FLYWCH2: variants seen among roughly 807,000 people sequenced by gnomAD.
FLYWCH2 encodes the protein FLYWCH family member 2.
FLYWCH2 carries 2 observed loss-of-function variants against 6.0 expected under a neutral mutation model. The ratio of observed to expected loss-of-function variants is 0.33; its 90% CI spans 0.14 to 1.04. The LOEUF (loss-of-function observed/expected upper bound fraction) is 1.04, where lower values mean the gene tolerates loss of function less well. Ranked by LOEUF, FLYWCH2 falls within the 50% of genes least tolerant of loss-of-function variation. FLYWCH2 has a pLI of 0.45. For missense variants in FLYWCH2, 192 were observed against 183.4 expected (o/e 1.05, Z -0.27); for synonymous variants, 87 against 79.3 (o/e 1.10, Z -0.52).
chr16:2,889,553 A>T (rs1321762203), intron 1 of FLYWCH2, among the ~76,000 whole-genome samples: 2 of 5,496 alleles, frequency 3.6e-4, no homozygotes, highest in Non-Finnish European at 1.8e-3. Context: ...GACTATATTA[A>T]AAAAAAAAAA....
intron 1 of FLYWCH2, among the ~76,000 whole-genome samples, chr16:2,890,216 T>G (rs938851174): frequency 9.8e-5 from 12 of 122,964 alleles, no homozygotes; most frequent in Admixed American, 1.6e-4. Flanking sequence ...GTGTGTGTGT[T>G]TTTTTGTTTT....
chr16:2,898,936 C>T (rs1277178169), intron 3 of FLYWCH2, 113 bp from the exon 4 acceptor site: 13 of 748,042 alleles, frequency 1.7e-5, no homozygotes, highest in Non-Finnish European at 2.8e-5. Context: ...AGGCTTCTGG[C>T]CCTGGAGCAT....
chr16:2,890,911 A>G (rs944815564), intron 1 of FLYWCH2, among the ~76,000 whole-genome samples: 29 of 152,220 alleles, frequency 1.9e-4, no homozygotes, highest in Non-Finnish European at 2.4e-4. Context: ...CCAACAATCA[A>G]GGGAGGGGAC....
At chr16:2,887,313 C>CTTTTTTTTTTTT (rs71158114) in intron 1 of FLYWCH2, among the ~76,000 whole-genome samples, 4 of 72,536 alleles carry the variant, frequency 5.5e-5, no homozygotes, top group Non-Finnish European at 9.0e-5. Context: ...GCCCGGCTTT[C>CTTTTTTTTTTTT]TTTTTTTTTT....
Position 2,899,121 on chromosome 16 carries a change from G to T in FLYWCH2, c.395G>T (p.Cys132Phe), listed in dbSNP as rs149108052. The T allele has an allele frequency of 2.1e-4, 343 of 1,613,526 alleles. 4 individuals carry two copies. In the African/African-American group the frequency reaches 3.9e-3, roughly 19 times the overall value. Residue 132 changes from cysteine to phenylalanine, a missense_variant, in exon 4 of 4, where the codon TGC becomes TTC. By Grantham distance (205) the Cys-to-Phe change is radical. Transcript: ENST00000396958. Reference sequence around the variant, plus strand: ...GCTGCTGGGGAGAACTTTGCCCCCTGCTCTGTGGCGCCCGGCAAGTCCCTG... The same window carrying T: ...GCTGCTGGGGAGAACTTTGCCCCCTTCTCTGTGGCGCCCGGCAAGTCCCTG... ...PEAAGENFAP[C>F]SVAPGKSL is the part of the protein sequence containing the mutation.
At chr16:2,887,985 C>G (rs998308805) in intron 1 of FLYWCH2, among the ~76,000 whole-genome samples, 2 of 142,688 alleles carry the variant, frequency 1.4e-5, no homozygotes, top group Admixed American at 1.5e-4. Context: ...TTCTGTTGAT[C>G]TCTGTGTCTG....
intron 1 of FLYWCH2, among the ~76,000 whole-genome samples, chr16:2,890,816 C>G (rs560344519): frequency 6.6e-6 from 1 of 152,134 alleles, no homozygotes; most frequent in Non-Finnish European, 1.5e-5. Flanking sequence ...ATCCACCCAC[C>G]TCAACCCCCC....
At chr16:2,888,481 C>T (rs1596336001) in intron 1 of FLYWCH2, among the ~76,000 whole-genome samples, 1 of 87,992 alleles carries the variant, frequency 1.1e-5, no homozygotes, top group African/African-American at 4.6e-5. Context: ...TTGTCAGTTT[C>T]TCCAAAAAAA....
chr16:2,886,894 C>G (rs1031514738), intron 1 of FLYWCH2, among the ~76,000 whole-genome samples: 2 of 152,038 alleles, frequency 1.3e-5, no homozygotes, highest in Non-Finnish European at 2.9e-5. Context: ...ATTCCAGATA[C>G]AAGTCCCTTA....
intron 1 of FLYWCH2, among the ~76,000 whole-genome samples, chr16:2,893,654 TTGA>T (rs2069784655): frequency 7.1e-6 from 1 of 140,942 alleles, no homozygotes; most frequent in Non-Finnish European, 1.6e-5. Flanking sequence ...TTTTTTTTTT[TTGA>T]AACGGATTCT....
chr16:2,889,128 T>G (rs1020775667), intron 1 of FLYWCH2, among the ~76,000 whole-genome samples: 69 of 102,922 alleles, frequency 6.7e-4, no homozygotes, highest in Middle Eastern at 4.6e-3. Flanking sequence ...AATTTGGTGT[T>G]TTTTTGTTGT....
At chr16:2,891,279 CT>C (rs918222015) in intron 1 of FLYWCH2, among the ~76,000 whole-genome samples, 1 of 152,210 alleles carries the variant, frequency 6.6e-6, no homozygotes, top group African/African-American at 2.4e-5. Flanking sequence ...CATAATAGGA[CT>C]TTTTTTCCTG....
At chr16:2,887,355 C>A (rs2069710767) in intron 1 of FLYWCH2, among the ~76,000 whole-genome samples, 1 of 138,192 alleles carries the variant, frequency 7.2e-6, no homozygotes, top group Admixed American at 7.8e-5. Flanking sequence ...GAGATGAGGT[C>A]TCGCCATGTT....
chr16:2,883,962 G>A (rs934997008), intron 1 of FLYWCH2, among the ~76,000 whole-genome samples: 5 of 152,248 alleles, frequency 3.3e-5, no homozygotes, highest in African/African-American at 1.2e-4. Flanking sequence ...GCACACCTTA[G>A]AGTAGCAGTT....
At position 2,896,514 on chromosome 16, in the gene FLYWCH2, C is replaced by G. The variant is rs373208958; in HGVS notation, c.65C>G (p.Pro22Arg). The G allele has an allele frequency of 6.0e-5, 97 of 1,613,996 alleles. No homozygotes were observed. Among genetic ancestry groups the G allele is most frequent in the Non-Finnish European group, 2.0e-5 (24 of 1,179,994 alleles). Residue 22 changes from proline (P) to arginine (R), a missense_variant, in exon 3 of 4, where the codon CCC becomes CGC. Coordinates refer to ENST00000396958, the MANE Select transcript of FLYWCH2 (RefSeq NM_138439.3). The stretch of plus-strand genomic sequence containing the variant: ...GTGAAGGCCAGCCAGGAGCCATCCC[C>G]CAAGCCAGGCACAGAAGTCATCCCG... ...ESVKASQEPS[P>R]KPGTEVIPAA...
intron 1 of FLYWCH2, among the ~76,000 whole-genome samples, chr16:2,890,495 A>G (rs2069744789): frequency 1.3e-5 from 2 of 150,874 alleles, no homozygotes; most frequent in African/African-American, 4.9e-5. Flanking sequence ...GCTCACCGCA[A>G]TCTCCACCTT....
intron 1 of FLYWCH2, among the ~76,000 whole-genome samples, chr16:2,886,752 C>G (rs1291568282): frequency 6.6e-6 from 1 of 151,948 alleles, no homozygotes; most frequent in Admixed American, 6.6e-5. Flanking sequence ...AACTCCCGAC[C>G]TCAGATGATC....
intron 1 of FLYWCH2, among the ~76,000 whole-genome samples, chr16:2,883,805 G>A (rs1010346638): frequency 6.6e-6 from 1 of 152,224 alleles, no homozygotes; most frequent in Non-Finnish European, 1.5e-5. Context: ...GGAGAGAGCC[G>A]GGGAGCTGGG....
chr16:2,884,998 A>G (rs1328300515), intron 1 of FLYWCH2, among the ~76,000 whole-genome samples: 1 of 151,846 alleles, frequency 6.6e-6, no homozygotes, highest in Non-Finnish European at 1.5e-5. Flanking sequence ...TTATTGAGAT[A>G]ATTCACATAC....
Sources: allele counts gnomAD v4.1 joint callset (sites outside exome capture counted in the v4.1 genomes callset), GRCh38; gene constraint gnomAD v4.1.1; transcripts MANE v1.5; gene names NCBI Gene and HGNC (gene_info 2026-07-23, HGNC 2026-07-21).